Variants in AMD1 observed in about 807,000 individuals in gnomAD.
The protein encoded by AMD1 is adenosylmethionine decarboxylase 1, also known as S-adenosylmethionine decarboxylase proenzyme.
A neutral mutation model predicts 40.2 loss-of-function variants in AMD1; 11 were observed. The observed-to-expected ratio is 0.27, with a 90% CI of 0.17 to 0.45. The LOEUF is 0.45. Among genes scored for constraint, AMD1 ranks in the 20% least tolerant of loss-of-function variants. AMD1 has a pLI of 1.00. For missense variants in AMD1, 257 were observed against 410.2 expected (o/e 0.63, Z 3.23); for synonymous variants, 121 against 130.8 (o/e 0.93, Z 0.51).
chr6:110,852,167 C>T, the AMD1 span, among the ~76,000 whole-genome samples: 1 of 137,450 alleles, frequency 7.3e-6, no homozygotes, highest in African/African-American at 2.7e-5. Context: ...ATCCTCCCTA[C>T]TGACTATAGG....
chr6:110,887,482 G>GTT lies in AMD1; in HGVS notation c.111-22_111-21insTT, dbSNP rs1284761845. On this transcript the variant is annotated intron_variant, in intron 1 of 8. Coordinates refer to ENST00000368885, the MANE Select transcript of AMD1 (RefSeq NM_001634.6). Reference sequence around the variant, plus strand: ...AGGTGGGTACTATTGTGGATTAATCGTAACTTTTTTGTTAAATGATAGATC... The same window carrying GTT: ...AGGTGGGTACTATTGTGGATTAATCGTTTAACTTTTTTGTTAAATGATAGATC... 2.5e-6 allele frequency: 4 copies of GTT among 1,568,752 alleles called. No individual in the cohort carries two copies. The East Asian group carries it at 9.2e-5, about 36-fold the overall frequency.
chr6:110,839,821 G>A, the AMD1 span, among the ~76,000 whole-genome samples: 5 of 151,982 alleles, frequency 3.3e-5, no homozygotes, highest in Non-Finnish European at 5.9e-5. Context: ...GCTGAGGGCT[G>A]TTCAACCTTT....
chr6:110,858,271 G>A, the AMD1 span: 31 of 930,480 alleles, frequency 3.3e-5, no homozygotes, highest in African/African-American at 3.4e-4. Context: ...AGGACCCCTC[G>A]TACGGGCTGT....
At chr6:110,860,799 C>T in the AMD1 span, among the ~76,000 whole-genome samples, 1 of 150,042 alleles carries the variant, frequency 6.7e-6, no homozygotes, top group African/African-American at 2.5e-5. Flanking sequence ...GACTCCATCT[C>T]AGAAAAAAAA....
chr6:110,858,008 AT>A, the AMD1 span, among the ~76,000 whole-genome samples: 173 of 150,462 alleles, frequency 1.1e-3, no homozygotes, highest in African/African-American at 4.1e-3. Flanking sequence ...ATAACTTATT[AT>A]TTTTTTTTCT....
the AMD1 span, among the ~76,000 whole-genome samples, chr6:110,857,424 C>T: frequency 4.6e-5 from 7 of 151,306 alleles, no homozygotes; most frequent in Non-Finnish European, 8.8e-5. Flanking sequence ...CCCAGCTACT[C>T]GGGAGGTTGA....
chr6:110,855,065 CTTTTTT>C, the AMD1 span, among the ~76,000 whole-genome samples: 13 of 80,464 alleles, frequency 1.6e-4, no homozygotes, highest in South Asian at 2.2e-3. Flanking sequence ...CTCTCTCTCT[CTTTTTT>C]TTTTTTTTTT....
chr6:110,836,943 C>A, the AMD1 span, among the ~76,000 whole-genome samples: 1 of 151,862 alleles, frequency 6.6e-6, no homozygotes, highest in Non-Finnish European at 1.5e-5. Context: ...GGCTGGAGGT[C>A]AAGAGTTCGA....
the AMD1 span, among the ~76,000 whole-genome samples, chr6:110,817,603 C>T: frequency 4.0e-5 from 6 of 151,262 alleles, no homozygotes; most frequent in African/African-American, 7.3e-5. Context: ...AGCAAGACCC[C>T]GACTCAAAAA....
chr6:110,858,987 G>A, the AMD1 span: 1 of 1,139,012 alleles, frequency 8.8e-7, no homozygotes, highest in South Asian at 1.2e-5. Context: ...CTACACGCAG[G>A]GCGCCAAGCA....
At chr6:110,843,779 G>T in the AMD1 span, among the ~76,000 whole-genome samples, 1 of 151,912 alleles carries the variant, frequency 6.6e-6, no homozygotes, top group Non-Finnish European at 1.5e-5. Context: ...TGTACCGGTG[G>T]GGTCTTGCCA....
rs1786245817 is a variant in AMD1 at position 110,895,384 on chromosome 6, A to G, written c.*1768A>G. The stretch of plus-strand genomic sequence containing the variant: ...AGCTCTGTTTTGAGGACCAATGCTT[A>G]AGGTGGACTTTGTTCGTAAACAATA... On this transcript the variant is annotated 3_prime_UTR_variant, in exon 9 of 9. Transcript: ENST00000368885. 1 of 152,218 alleles carries G rather than the reference A, an allele frequency of 6.6e-6. No homozygotes were observed. Among genetic ancestry groups the G allele is most frequent in the Admixed American group, 6.5e-5 (1 of 15,268 alleles). 9.4% of individuals were successfully genotyped at this position (152,218 alleles called of 1,614,324 possible).
the AMD1 span, among the ~76,000 whole-genome samples, chr6:110,862,581 C>T: frequency 6.6e-6 from 1 of 151,802 alleles, no homozygotes; most frequent in Non-Finnish European, 1.5e-5. Context: ...ATTCTTATGC[C>T]TCAGCCTCCC....
chr6:110,826,353 G>A, the AMD1 span, among the ~76,000 whole-genome samples: 1 of 148,964 alleles, frequency 6.7e-6, no homozygotes, highest in Non-Finnish European at 1.5e-5. Flanking sequence ...AGGGTTGCCC[G>A]CCTCCTTCTG....
At chr6:110,829,450 C>T in the AMD1 span, among the ~76,000 whole-genome samples, 6 of 151,418 alleles carry the variant, frequency 4.0e-5, no homozygotes, top group Non-Finnish European at 7.4e-5. Flanking sequence ...GAGGCTGAGG[C>T]GGGCAGATCA....
At chr6:110,876,799 A>G (rs1785139908) in intron 1 of AMD1, among the ~76,000 whole-genome samples, 1 of 152,196 alleles carries the variant, frequency 6.6e-6, no homozygotes, top group Non-Finnish European at 1.5e-5. Flanking sequence ...AGGATAATTA[A>G]CCTAGAAAAT....
the AMD1 span, among the ~76,000 whole-genome samples, chr6:110,865,670 C>A: frequency 7.9e-5 from 12 of 152,112 alleles, no homozygotes; most frequent in Non-Finnish European, 1.5e-4. Context: ...GCTGGGATCA[C>A]AGGCGTGAGC....
chr6:110,888,106 C>G (rs182041284), intron 2 of AMD1, among the ~76,000 whole-genome samples: 37 of 152,086 alleles, frequency 2.4e-4, no homozygotes, highest in African/African-American at 8.0e-4. Flanking sequence ...CCGTCTTTTC[C>G]TCCCAATTGG....
chr6:110,822,296 A>G, the AMD1 span, among the ~76,000 whole-genome samples: 5 of 152,248 alleles, frequency 3.3e-5, no homozygotes, highest in East Asian at 9.6e-4. Flanking sequence ...TGAGACTGCT[A>G]TGAACAACTC....
Sources: allele counts gnomAD v4.1 joint callset (sites outside exome capture counted in the v4.1 genomes callset), GRCh38; gene constraint gnomAD v4.1.1; transcripts MANE v1.5; gene names NCBI Gene and HGNC (gene_info 2026-07-23, HGNC 2026-07-21).